Variants in LMBR1 observed in about 807,000 individuals in gnomAD.
LMBR1 encodes limb region 1 protein homolog.
In LMBR1, 52 loss-of-function variants were observed where a neutral mutation model predicts 73.9. The ratio of observed to expected loss-of-function variants is 0.70; its 90% CI spans 0.56 to 0.89. LMBR1 has a LOEUF of 0.89. Among genes scored for constraint, LMBR1 ranks in the 40% least tolerant of loss-of-function variants. LMBR1 has a pLI of 0.00. For missense variants in LMBR1, 539 were observed against 579.8 expected (o/e 0.93, Z 0.72); for synonymous variants, 215 against 209.4 (o/e 1.03, Z -0.23).
intron 1 of LMBR1, among the ~76,000 whole-genome samples, chr7:156,843,798 T>G (rs1839127995): frequency 7.0e-6 from 1 of 143,706 alleles, no homozygotes; most frequent in South Asian, 2.2e-4. Flanking sequence ...ATGGGGCCAC[T>G]GCACTCCAGC....
chr7:156,684,180 A>G lies in LMBR1; in HGVS notation c.1388-17T>C, dbSNP rs1317553442. 1 of 1,593,286 alleles carries G rather than the reference A, an allele frequency of 6.3e-7. No homozygotes were observed. Among genetic ancestry groups the G allele is most frequent in the Middle Eastern group, 1.7e-4 (1 of 6,030 alleles). The stretch of plus-strand genomic sequence containing the variant: ...TATGAAGCCCTGCAAAAAAATTAAG[A>G]AAATGGTGAGAAATGATATATTGCT... On this transcript the variant is annotated splice_polypyrimidine_tract_variant and intron_variant, in intron 16 of 16. Coordinates refer to ENST00000353442, the MANE Select transcript of LMBR1 (RefSeq NM_022458.4).
intron 9 of LMBR1, among the ~76,000 whole-genome samples, chr7:156,751,869 C>T (rs987385631): frequency 6.6e-6 from 1 of 152,084 alleles, no homozygotes; most frequent in African/African-American, 2.4e-5. Flanking sequence ...ATTGGACATC[C>T]AAATGGAAAT....
At chr7:156,736,631 A>C (rs1304219262) in intron 9 of LMBR1, 3 of 456,712 alleles carry the variant, frequency 6.6e-6, no homozygotes, top group South Asian at 4.7e-5. Flanking sequence ...GCAGGTGAGG[A>C]CACAAGTGTC....
rs1818883565 is a variant in LMBR1, at chr7:156,741,481, CAAG to C, written c.758-7227_758-7225del. On this transcript the variant is annotated intron_variant, in intron 9 of 16. Coordinates refer to ENST00000353442, the MANE Select transcript of LMBR1 (RefSeq NM_022458.4). ...AAAAGATATTCCATGCTAATGCAAA[CAAG>C]AAAAGTACAGGAGTAGCTATACTTA... Among the ~76,000 whole-genome samples the C allele has an allele frequency of 3.3e-5, 5 of 151,958 alleles. No individual in the cohort carries two copies. The South Asian group carries it at 8.3e-4, about 25-fold the overall frequency.
chr7:156,701,694 T>C (rs1043389261), intron 15 of LMBR1, among the ~76,000 whole-genome samples: 1 of 152,246 alleles, frequency 6.6e-6, no homozygotes, highest in Non-Finnish European at 1.5e-5. Flanking sequence ...TGCAGGTTTG[T>C]TATCATGTGC....
At chr7:156,892,831 C>G (rs1274819138) in intron 1 of LMBR1, 97 bp downstream of exon 1, 6 of 731,962 alleles carry the variant, frequency 8.2e-6, no homozygotes, top group Non-Finnish European at 1.1e-5. Context: ...AGGCGAGGCC[C>G]GGAGGTGAGG....
chr7:156,799,155 T>C (rs1047842356), intron 4 of LMBR1, among the ~76,000 whole-genome samples: 8 of 151,776 alleles, frequency 5.3e-5, no homozygotes, highest in Non-Finnish European at 1.0e-4. Context: ...TGAGCCGAGA[T>C]TGCACCACTG....
In LMBR1 at chr7:156,678,856, C is replaced by T. The variant is rs1482490683; in HGVS notation, c.*5222G>A. The T allele has an allele frequency of 6.6e-6, 1 of 152,184 alleles. No individual in the cohort carries two copies. Among genetic ancestry groups the T allele is most frequent in the Non-Finnish European group, 1.5e-5 (1 of 68,036 alleles). The allele number at this position is 152,184 out of a possible 1,614,324, so 9.4% of individuals were successfully genotyped here. A position where few individuals can be genotyped will look rare whatever the true frequency, so the allele number is the denominator to read the frequency against. ...TCCACTTAATTAGGAGCCTACCATTCCATGGGCGGGGGGAATCATTAAATC... is the reference window on the plus strand; with the variant it reads ...TCCACTTAATTAGGAGCCTACCATTTCATGGGCGGGGGGAATCATTAAATC... On this transcript the variant is annotated 3_prime_UTR_variant, in exon 17 of 17. Transcript: ENST00000353442.
chr7:156,893,119 G>T lies in LMBR1; in HGVS notation c.-126C>A, dbSNP rs1803481914. The T allele has an allele frequency of 1.0e-6, 1 of 959,406 alleles. No homozygotes were observed. The highest frequency in any genetic ancestry group is 1.4e-6 in the Non-Finnish European group (1 of 723,334). 59.4% of individuals were successfully genotyped at this position (959,406 alleles called of 1,614,324 possible). A position where few individuals can be genotyped will look rare whatever the true frequency, so the allele number is the denominator to read the frequency against. On this transcript the variant is annotated 5_prime_UTR_variant, in exon 1 of 17. Coordinates refer to ENST00000353442, the MANE Select transcript of LMBR1 (RefSeq NM_022458.4). The stretch of plus-strand genomic sequence containing the variant: ...CCGGCACGGGCCCGCGAGCCGTGTT[G>T]GAACAGGTACCGCGACCACGACACC...
rs1050179659 is a variant in LMBR1, at chr7:156,732,328, G to A, written c.838+1849C>T. Among the ~76,000 whole-genome samples, 7 of 152,246 alleles carry A rather than the reference G, an allele frequency of 4.6e-5. 1 individual carries two copies. The South Asian group carries it at 8.3e-4, about 18-fold the overall frequency. On this transcript the variant is annotated intron_variant, in intron 10 of 16. Transcript: ENST00000353442. ...TTACTGTCTTGAGAGTTTCCAGGCC[G>A]TGATGCAGGAAGGAGGAACACAAGC...
chr7:156,735,567 TG>T (rs1270080509), intron 9 of LMBR1, among the ~76,000 whole-genome samples: 1 of 150,116 alleles, frequency 6.7e-6, no homozygotes, highest in African/African-American at 2.5e-5. Context: ...TTTTTCATTA[TG>T]CAATTGTATT....
intron 9 of LMBR1, among the ~76,000 whole-genome samples, chr7:156,740,850 G>A (rs978354380): frequency 2.6e-5 from 4 of 152,094 alleles, no homozygotes; most frequent in African/African-American, 9.7e-5. Context: ...GAAAAACACA[G>A]AATATTATAA....
At chr7:156,734,091 A>G in intron 10 of LMBR1, 86 bp downstream of exon 10, 1 of 752,502 alleles carries the variant, frequency 1.3e-6, no homozygotes, top group East Asian at 2.8e-5. Flanking sequence ...AAGATTTCAT[A>G]AATTTTCTAA....
chr7:156,835,011 G>A (rs758494784), intron 2 of LMBR1, among the ~76,000 whole-genome samples: 6 of 151,882 alleles, frequency 4.0e-5, no homozygotes, highest in Non-Finnish European at 8.8e-5. Flanking sequence ...GCGGTGGCGG[G>A]CGTCTGTAAT....
chr7:156,849,659 T>C (rs371908547), intron 1 of LMBR1, among the ~76,000 whole-genome samples: 6 of 152,134 alleles, frequency 3.9e-5, no homozygotes, highest in East Asian at 3.9e-4. Flanking sequence ...GCATCAGTTG[T>C]TTGTTGCCAG....
chr7:156,784,659 C>T (rs1827760639), intron 5 of LMBR1, among the ~76,000 whole-genome samples: 1 of 152,208 alleles, frequency 6.6e-6, no homozygotes, highest in African/African-American at 2.4e-5. Context: ...TGTGAAACTG[C>T]ATAATATCCT....
Position 156,868,442 on chromosome 7 carries a change from G to A in LMBR1, c.66+24486C>T, listed in dbSNP as rs1455918243. On this transcript the variant is annotated intron_variant, in intron 1 of 16. Transcript: ENST00000353442. ...TGTTATCCCAGCACTTTGGGAGGCC[G>A]AGGTGGGCAGATCACAAGGTCAGGA... is the stretch of plus-strand genomic sequence containing the variant. Among the ~76,000 whole-genome samples the A allele has an allele frequency of 2.5e-4, 38 of 152,026 alleles. 1 individual carries two copies. The highest frequency in any genetic ancestry group is 2.9e-5 in the Non-Finnish European group (2 of 68,000).
downstream of LMBR1, among the ~76,000 whole-genome samples, chr7:156,677,387 C>T (rs1804264461): frequency 6.6e-6 from 1 of 152,176 alleles, no homozygotes; most frequent in African/African-American, 2.4e-5. Context: ...ATGGGTGAGG[C>T]AGGGCGAGGG....
chr7:156,760,306 G>A (rs974664100), intron 8 of LMBR1, among the ~76,000 whole-genome samples: 22 of 152,162 alleles, frequency 1.4e-4, no homozygotes, highest in African/African-American at 5.3e-4. Context: ...CTTGGGGAAG[G>A]GAGCTAAGTA....
Sources: gnomAD v4.1 joint callset for allele counts (sites outside exome capture counted in the v4.1 genomes callset) on GRCh38, gnomAD v4.1.1 for gene constraint, MANE v1.5 for transcripts, NCBI Gene and HGNC (gene_info 2026-07-23, HGNC 2026-07-21) for gene names.